Variants in CEACAM3 observed in about 807,000 individuals in gnomAD.
CEACAM3 encodes cell adhesion molecule CEACAM3.
A neutral mutation model predicts 30.1 loss-of-function variants in CEACAM3; 32 were observed. The ratio of observed to expected loss-of-function variants is 1.06; its 90% CI spans 0.80 to 1.43. CEACAM3 has a LOEUF of 1.43. Among genes scored for constraint, CEACAM3 ranks in the 40% most tolerant of loss-of-function variants. The probability of loss-of-function intolerance (pLI) is 0.00; values close to 1 mark genes in which losing one functional copy is unlikely to be tolerated. For missense variants in CEACAM3, 290 were observed against 316.3 expected, an observed-to-expected ratio of 0.92 and a Z score of 0.63; for synonymous variants, 134 against 127.2, an observed-to-expected ratio of 1.05 and a Z score of -0.36.
chr19:41,808,562 A>C (rs1462032731), intron 2 of CEACAM3, among the ~76,000 whole-genome samples: 1 of 152,256 alleles, frequency 6.6e-6, no homozygotes, highest in Non-Finnish European at 1.5e-5. Flanking sequence ...ACTAAAAGGC[A>C]CAGGAGCAGG....
At chr19:41,809,741 C>T (rs2073233301) in intron 3 of CEACAM3, 1 of 505,976 alleles carries the variant, frequency 2.0e-6, no homozygotes, top group Non-Finnish European at 3.6e-6. Flanking sequence ...TCTCCTGGCC[C>T]GGCATCTGCC....
intron 2 of CEACAM3, chr19:41,807,373 C>G (rs1555826951): frequency 6.2e-7 from 1 of 1,603,610 alleles, no homozygotes; most frequent in Non-Finnish European, 8.5e-7. Context: ...GTGACCCAGT[C>G]ACGCTGAATG....
rs2073228164 is a variant in CEACAM3 at position 41,809,120 on chromosome 19, C to T, written c.542+190C>T. 5 of 500,642 alleles carry T rather than the reference C, an allele frequency of 1.0e-5. No individual in the cohort carries two copies. The South Asian group carries it at 1.8e-4, about 18-fold the overall frequency. 31.0% of individuals were successfully genotyped at this position (500,642 alleles called of 1,614,324 possible). On this transcript the variant is annotated intron_variant, in intron 3 of 6. Transcript: ENST00000357396. ...TGGGTTGCTGCCTCAACAGCTTCCTCCTCTGTGAATTTGGCCCAATTAAGG... is the reference window on the plus strand; with the variant it reads ...TGGGTTGCTGCCTCAACAGCTTCCTTCTCTGTGAATTTGGCCCAATTAAGG...
intron 5 of CEACAM3, among the ~76,000 whole-genome samples, chr19:41,810,597 C>A (rs2073241576): frequency 6.6e-6 from 1 of 152,130 alleles, no homozygotes; most frequent in Admixed American, 6.5e-5. Context: ...GCAGCAGGTG[C>A]AGAGTGGACA....
intron 3 of CEACAM3, 52 bp from the exon 4 acceptor site, chr19:41,809,913 A>C: frequency 6.3e-7 from 1 of 1,595,580 alleles, no homozygotes; most frequent in Non-Finnish European, 8.6e-7. Flanking sequence ...TCGAACTCCA[A>C]AGTTGTGGCT....
chr19:41,799,937 T>A (rs1555825794), intron 2 of CEACAM3, among the ~76,000 whole-genome samples: 1 of 152,158 alleles, frequency 6.6e-6, no homozygotes, highest in East Asian at 1.9e-4. Context: ...CATGGGACTC[T>A]GGCACAGCTC....
In CEACAM3 at chr19:41,802,053, CT is replaced by C. The variant is rs199920065; in HGVS notation, c.424+4107del. On this transcript the variant is annotated intron_variant, in intron 2 of 6. Transcript: ENST00000357396. ...CCCAGGAATGAGCAAGGACAGCCACCTTGAGGCTAGAAGCCAGATGAAGTCA... is the reference window on the plus strand; with the variant it reads ...CCCAGGAATGAGCAAGGACAGCCACCTGAGGCTAGAAGCCAGATGAAGTCA... Among the ~76,000 whole-genome samples, 4 of 151,734 alleles carry C rather than the reference CT, an allele frequency of 2.6e-5. No individual in the cohort carries two copies. The South Asian group carries it at 8.3e-4, about 31-fold the overall frequency.
At position 41,807,456 on chromosome 19, in the gene CEACAM3, C is replaced by CA. The variant is rs2073212712; in HGVS notation, c.425-1356dup. 8.0e-5 allele frequency: 105 copies of CA among 1,315,068 alleles called. No homozygotes were observed. In the South Asian group the frequency reaches 1.5e-3, roughly 19 times the overall value. 81.5% of individuals were successfully genotyped at this position (1,315,068 alleles called of 1,614,324 possible). A position where few individuals can be genotyped will look rare whatever the true frequency, so the allele number is the denominator to read the frequency against. ...CCACACAGCCAGAGGCCAGGCCTCTCAGTCCCTCTCAAGTCCAGGGACTCA... is the reference window on the plus strand; with the variant it reads ...CCACACAGCCAGAGGCCAGGCCTCTCAAGTCCCTCTCAAGTCCAGGGACTCA... On this transcript the variant is annotated intron_variant, in intron 2 of 6. Transcript: ENST00000357396.
At position 41,810,020 on chromosome 19, in the gene CEACAM3, G is replaced by A; in HGVS notation, c.595+3G>A. The A allele has an allele frequency of 6.2e-7, 1 of 1,613,848 alleles. No individual in the cohort carries two copies. The highest frequency in any genetic ancestry group is 8.5e-7 in the Non-Finnish European group (1 of 1,179,830). On this transcript the variant is annotated splice_donor_region_variant and intron_variant, in intron 4 of 6. Coordinates refer to ENST00000357396, the MANE Select transcript of CEACAM3 (RefSeq NM_001815.5). ...GCAGCCCCAAGCCCTTGCCCCTGGT[G>A]AGTGTCCTCTCAGCCCAGGTGTGGC...
At chr19:41,802,394 G>A (rs7251336) in intron 2 of CEACAM3, among the ~76,000 whole-genome samples, 74,422 of 152,118 alleles carry the variant, frequency 0.49, 21,159 homozygotes, top group Middle Eastern at 0.72. Flanking sequence ...GCTAGGCCTC[G>A]GTGTTAATTG....
chr19:41,809,238 A>G (rs1025601260), intron 3 of CEACAM3: 11 of 163,296 alleles, frequency 6.7e-5, no homozygotes, highest in Non-Finnish European at 1.4e-4. Context: ...GTAGGGAGGG[A>G]GGGAGGGAGG....
chr19:41,808,109 C>T (rs896703964), intron 2 of CEACAM3, among the ~76,000 whole-genome samples: 6 of 152,168 alleles, frequency 3.9e-5, no homozygotes, highest in African/African-American at 1.2e-4. Flanking sequence ...AAGTTTATTT[C>T]CCAGCCCATG....
chr19:41,802,287 T>A (rs1262292292), intron 2 of CEACAM3, among the ~76,000 whole-genome samples: 1 of 152,162 alleles, frequency 6.6e-6, no homozygotes, highest in Non-Finnish European at 1.5e-5. Flanking sequence ...GGTGTCCAAT[T>A]TGGCATGTAA....
intron 2 of CEACAM3, among the ~76,000 whole-genome samples, chr19:41,805,263 T>C (rs549680006): frequency 1.7e-4 from 26 of 150,472 alleles, no homozygotes; most frequent in Admixed American, 4.7e-4. Flanking sequence ...ATCACCACTC[T>C]GCTCTTTTAT....
intron 2 of CEACAM3, among the ~76,000 whole-genome samples, chr19:41,801,558 G>T (rs2073147373): frequency 6.6e-6 from 1 of 152,228 alleles, no homozygotes; most frequent in Non-Finnish European, 1.5e-5. Flanking sequence ...TAAGACAAGA[G>T]TTTATTATTA....
chr19:41,796,938 T>C (rs1250894300), intron 1 of CEACAM3, among the ~76,000 whole-genome samples, 197 bp downstream of exon 1: 2 of 152,234 alleles, frequency 1.3e-5, no homozygotes, highest in African/African-American at 4.8e-5. Context: ...GAAAATCCAT[T>C]GATCATGTTT....
chr19:41,798,019 T>A (rs1555825515), intron 2 of CEACAM3, 71 bp downstream of exon 2: 1 of 1,544,930 alleles, frequency 6.5e-7, no homozygotes, highest in Non-Finnish European at 8.7e-7. Flanking sequence ...TTGTCAGGCC[T>A]GGGCTGTGCC....
At chr19:41,803,471 T>TTTTTTTG (rs1555826267) in intron 2 of CEACAM3, among the ~76,000 whole-genome samples, 1,594 of 114,888 alleles carry the variant, frequency 0.014, 28 homozygotes, top group Middle Eastern at 0.039. Context: ...GTTTTGTTTG[T>TTTTTTTG]TTTTTTTTTT....
rs61736640 is a variant in CEACAM3 at position 41,797,929 on chromosome 19, T to C, written c.405T>C (p.Thr135=). ...CAGATCTTGTGAATGAAGAAGCAACTGGACAGTTCCATGTATACCGTGAGT... is the reference window on the plus strand; with the variant it reads ...CAGATCTTGTGAATGAAGAAGCAACCGGACAGTTCCATGTATACCGTGAGT... The part of the protein sequence containing the change: ...IKSDLVNEEA[T]GQFHVYQENA... The change falls in exon 2 of 7, where the codon ACT becomes ACC. Residue 135 remains threonine (T), a synonymous_variant. Transcript: ENST00000357396. 4.7e-3 allele frequency: 7,535 copies of C among 1,607,474 alleles called. 323 individuals carry two copies. The African/African-American group carries it at 0.088, about 19-fold the overall frequency.
Sources: allele counts gnomAD v4.1 joint callset (sites outside exome capture counted in the v4.1 genomes callset), GRCh38; gene constraint gnomAD v4.1.1; transcripts MANE v1.5; gene names NCBI Gene and HGNC (gene_info 2026-07-23, HGNC 2026-07-21).